The following IGF1R variants were observed in gnomAD, a reference collection of about 807,000 sequenced individuals.
The protein encoded by IGF1R is insulin-like growth factor 1 receptor.
IGF1R carries 44 observed loss-of-function variants against 144.6 expected under a neutral mutation model. That is an observed-to-expected ratio of 0.30 (90% CI 0.24 to 0.39). The LOEUF (loss-of-function observed/expected upper bound fraction) is 0.39. Ranked by LOEUF, IGF1R falls within the 10% of genes least tolerant of loss-of-function variation. The probability of loss-of-function intolerance (pLI) is 1.00; values close to 1 mark genes in which losing one functional copy is unlikely to be tolerated. For synonymous variants in IGF1R, 795 were observed against 722.8 expected (o/e 1.10, Z -1.60); for missense variants, 1,355 against 1,833.7 (o/e 0.74, Z 4.77).
intron 2 of IGF1R, among the ~76,000 whole-genome samples, chr15:98,851,526 C>T (rs1172437544): frequency 1.3e-5 from 2 of 152,294 alleles, no homozygotes; most frequent in East Asian, 3.9e-4. Context: ...ATCAGTACCC[C>T]GGGGCCTTGC....
chr15:98,959,173 C>T lies in IGF1R; in HGVS notation c.*1731C>T, dbSNP rs530384919. ...AAGCCTCACCCTCTCTTTCCCTTGC[C>T]TTTGCTTAGGTTGTGACACACATAT... On this transcript the variant is annotated 3_prime_UTR_variant, in exon 21 of 21. Transcript: ENST00000650285. The T allele has an allele frequency of 1.3e-5, 3 of 233,412 alleles. No individual in the cohort carries two copies. Among genetic ancestry groups the T allele is most frequent in the Non-Finnish European group, 2.5e-5 (3 of 118,066 alleles). 14.5% of individuals were successfully genotyped at this position (233,412 alleles called of 1,614,324 possible). A position where few individuals can be genotyped will look rare whatever the true frequency, so the allele number is the denominator to read the frequency against.
chr15:98,958,700 G>GA lies in IGF1R; in HGVS notation c.*1268dup, dbSNP rs397772788. The stretch of plus-strand genomic sequence containing the variant: ...AGATATTCATCTATACGTCTGTACA[G>GA]AAAAAAAAAAGCTGCTATTTTTTTT... On this transcript the variant is annotated 3_prime_UTR_variant, in exon 21 of 21. Transcript: ENST00000650285. 2.1e-3 allele frequency: 465 copies of GA among 220,682 alleles called. No individual in the cohort carries two copies. The highest frequency in any genetic ancestry group is 0.013 in the Middle Eastern group (10 of 748). 13.7% of individuals were successfully genotyped at this position (220,682 alleles called of 1,614,324 possible).
intron 2 of IGF1R, among the ~76,000 whole-genome samples, chr15:98,716,936 G>T (rs151285117): frequency 6.6e-6 from 1 of 152,120 alleles, no homozygotes. Flanking sequence ...TGTGGAGTCC[G>T]TGGGGGCAGA....
intron 2 of IGF1R, among the ~76,000 whole-genome samples, chr15:98,869,218 C>T (rs1005825293): frequency 2.0e-5 from 3 of 152,066 alleles, no homozygotes; most frequent in African/African-American, 7.3e-5. Flanking sequence ...AAACTCCCTT[C>T]TATTATTGGA....
intron 2 of IGF1R, among the ~76,000 whole-genome samples, chr15:98,727,261 C>T (rs1046238174): frequency 2.0e-5 from 3 of 152,200 alleles, no homozygotes; most frequent in Middle Eastern, 3.4e-3. Context: ...AAATAACAGT[C>T]GTACAGAGAG....
chr15:98,767,166 C>G (rs1281274221), intron 2 of IGF1R, among the ~76,000 whole-genome samples: 1 of 152,106 alleles, frequency 6.6e-6, no homozygotes, highest in Non-Finnish European at 1.5e-5. Flanking sequence ...TTTTTAGTTA[C>G]TTTTTACATG....
chr15:98,799,631 C>T (rs182471938), intron 2 of IGF1R, among the ~76,000 whole-genome samples: 2 of 152,178 alleles, frequency 1.3e-5, no homozygotes, highest in African/African-American at 4.8e-5. Context: ...AGGTGGGAGG[C>T]GGCCGGCATG....
intron 2 of IGF1R, among the ~76,000 whole-genome samples, chr15:98,734,419 C>T (rs1035822514): frequency 5.9e-5 from 9 of 151,786 alleles, no homozygotes; most frequent in African/African-American, 9.7e-5. Flanking sequence ...TGAAAACATA[C>T]GGAGAGAAAA....
intron 1 of IGF1R, among the ~76,000 whole-genome samples, chr15:98,657,516 G>C (rs1833063248): frequency 6.6e-6 from 1 of 152,148 alleles, no homozygotes; most frequent in South Asian, 2.1e-4. Flanking sequence ...TACAGACTCA[G>C]GACTTTAAAG....
chr15:98,961,267 T>G lies in IGF1R; in HGVS notation c.*3825T>G, dbSNP rs1316051024. ...CCACAACTGGATTTCTACAGATCAT[T>G]CAGCTGGTTATAAGGGTTTTGTTTA... On this transcript the variant is annotated 3_prime_UTR_variant, in exon 21 of 21. Coordinates refer to ENST00000650285, the MANE Select transcript of IGF1R (RefSeq NM_000875.5). 1 of 233,566 alleles carries G rather than the reference T, an allele frequency of 4.3e-6. No individual in the cohort carries two copies. The highest frequency in any genetic ancestry group is 8.5e-6 in the Non-Finnish European group (1 of 118,012). The allele number at this position is 233,566 out of a possible 1,614,324, so 14.5% of individuals were successfully genotyped here.
Position 98,911,602 on chromosome 15 carries a change from G to A in IGF1R, c.1589+161G>A, listed in dbSNP as rs45469597. Among the ~76,000 whole-genome samples the A allele has an allele frequency of 9.2e-3, 1,398 of 152,236 alleles. 19 individuals carry two copies. Among genetic ancestry groups the A allele is most frequent in the African/African-American group, 0.032 (1,315 of 41,536 alleles). Reference sequence around the variant, plus strand: ...CTACTTCATCCTCATGCACCCTCTCGGGCTGTCCCTGTGATGTCAGTCACA... The same window carrying A: ...CTACTTCATCCTCATGCACCCTCTCAGGCTGTCCCTGTGATGTCAGTCACA... On this transcript the variant is annotated intron_variant, in intron 7 of 20. Transcript: ENST00000650285.
At chr15:98,854,588 C>A (rs545629253) in intron 2 of IGF1R, among the ~76,000 whole-genome samples, 11 of 152,296 alleles carry the variant, frequency 7.2e-5, no homozygotes, top group Middle Eastern at 3.4e-3. Context: ...TCCTTTCTGG[C>A]CAGGTCAGCC....
rs747653803 is a variant in IGF1R, at chr15:98,958,507, C to T, written c.*1065C>T. 3.5e-5 allele frequency: 8 copies of T among 230,656 alleles called. No homozygotes were observed. In the South Asian group the frequency reaches 9.1e-4, roughly 26 times the overall value. 14.3% of individuals were successfully genotyped at this position (230,656 alleles called of 1,614,324 possible). A position where few individuals can be genotyped will look rare whatever the true frequency, so the allele number is the denominator to read the frequency against. On this transcript the variant is annotated 3_prime_UTR_variant, in exon 21 of 21. Coordinates refer to ENST00000650285, the MANE Select transcript of IGF1R (RefSeq NM_000875.5). ...TGCAAGGAAAGAAATTCAAACACCA[C>T]AACAGCAGTAAGAAGAAAAGCAGTC...
chr15:98,808,775 G>A (rs2056522331), intron 2 of IGF1R, among the ~76,000 whole-genome samples: 1 of 151,648 alleles, frequency 6.6e-6, no homozygotes, highest in African/African-American at 2.4e-5. Flanking sequence ...AAAGTCCTGG[G>A]CTCAAGAAAT....
intron 1 of IGF1R, among the ~76,000 whole-genome samples, chr15:98,671,738 C>T (rs1567067676): frequency 6.6e-6 from 1 of 152,176 alleles, no homozygotes; most frequent in Non-Finnish European, 1.5e-5. Context: ...ATTTGTAATG[C>T]CTGTAGACTT....
chr15:98,751,466 CT>C, intron 2 of IGF1R, among the ~76,000 whole-genome samples: 1 of 152,264 alleles, frequency 6.6e-6, no homozygotes, highest in Non-Finnish European at 1.5e-5. Flanking sequence ...CCCCTCAACT[CT>C]CAAAAGGCTG....
chr15:98,804,039 G>A (rs923292532), intron 2 of IGF1R, among the ~76,000 whole-genome samples: 2 of 152,144 alleles, frequency 1.3e-5, no homozygotes, highest in African/African-American at 4.8e-5. Context: ...ATGTCACTAG[G>A]CAATAGGAAT....
intron 2 of IGF1R, among the ~76,000 whole-genome samples, chr15:98,879,385 A>G (rs1411590744): frequency 5.3e-5 from 8 of 152,090 alleles, no homozygotes; most frequent in African/African-American, 7.2e-5. Flanking sequence ...GCTGCCATCT[A>G]AGGAGGCTTT....
At chr15:98,886,677 C>T (rs1006388883) in intron 2 of IGF1R, among the ~76,000 whole-genome samples, 1 of 152,086 alleles carries the variant, frequency 6.6e-6, no homozygotes, top group Non-Finnish European at 1.5e-5. Flanking sequence ...TCAGTTTTGG[C>T]GCTCGCATGG....
Sources: allele counts gnomAD v4.1 joint callset (sites outside exome capture counted in the v4.1 genomes callset), GRCh38; gene constraint gnomAD v4.1.1; transcripts MANE v1.5; gene names NCBI Gene and HGNC (gene_info 2026-07-23, HGNC 2026-07-21).